Variants in RBMS3 observed in about 807,000 individuals in gnomAD.
RBMS3 encodes RNA-binding motif, single-stranded-interacting protein 3.
In RBMS3, 27 loss-of-function variants were observed where a neutral mutation model predicts 66.8. That is an observed-to-expected ratio of 0.40 (90% CI 0.30 to 0.56). The LOEUF is 0.56. Among genes scored for constraint, RBMS3 ranks in the 20% least tolerant of loss-of-function variants. RBMS3 has a pLI of 0.40. For missense variants in RBMS3, 513 were observed against 549.5 expected, an observed-to-expected ratio of 0.93 and a Z score of 0.66; for synonymous variants, 188 against 183.0, an observed-to-expected ratio of 1.03 and a Z score of -0.22.
At chr3:29,577,968 A>C (rs1024476725) in intron 3 of RBMS3, among the ~76,000 whole-genome samples, 4 of 152,160 alleles carry the variant, frequency 2.6e-5, no homozygotes, top group Non-Finnish European at 4.4e-5. Context: ...GGTACAAACT[A>C]TGTAGGTTTC....
intron 3 of RBMS3, among the ~76,000 whole-genome samples, chr3:29,541,530 C>T (rs1291832761): frequency 2.8e-5 from 4 of 142,796 alleles, no homozygotes; most frequent in South Asian, 4.4e-4. Flanking sequence ...CTCATTTCAG[C>T]ACCTTCACTG....
chr3:29,343,518 C>T (rs79012753), intron 1 of RBMS3, among the ~76,000 whole-genome samples: 2,711 of 151,808 alleles, frequency 0.018, 95 homozygotes, highest in African/African-American at 0.06. Flanking sequence ...CTTAAATAGA[C>T]GGCTAATATT....
chr3:29,978,819 A>G lies in RBMS3; in HGVS notation c.1099-9324A>G, dbSNP rs558872336. Among the ~76,000 whole-genome samples the G allele has an allele frequency of 1.1e-4, 16 of 152,212 alleles. No individual in the cohort carries two copies. In the Middle Eastern group the frequency reaches 0.014, roughly 129 times the overall value. ...CTTCAAAAATAATGAAGTAGACTGAAAAGTGTGCTGAATACTAGGTCAGAA... is the reference window on the plus strand; with the variant it reads ...CTTCAAAAATAATGAAGTAGACTGAGAAGTGTGCTGAATACTAGGTCAGAA... On this transcript the variant is annotated intron_variant, in intron 12 of 14. Coordinates refer to ENST00000383767, the MANE Select transcript of RBMS3 (RefSeq NM_001003793.3).
chr3:29,337,047 ACTCTAGAGTATTTATATACAT>A (rs1454494485), intron 1 of RBMS3, among the ~76,000 whole-genome samples: 2 of 152,082 alleles, frequency 1.3e-5, no homozygotes, highest in African/African-American at 2.4e-5. Context: ...TCTAAAATTA[ACTCTAGAGTATTTATATACAT>A]ATAATATGGT....
intron 4 of RBMS3, among the ~76,000 whole-genome samples, chr3:29,722,079 A>G (rs1201412570): frequency 6.6e-6 from 1 of 152,214 alleles, no homozygotes; most frequent in Non-Finnish European, 1.5e-5. Context: ...TGAATGCAAG[A>G]CACAAAATAT....
At chr3:29,399,710 AAT>A (rs756448484) in intron 1 of RBMS3, among the ~76,000 whole-genome samples, 9 of 63,294 alleles carry the variant, frequency 1.4e-4, no homozygotes, top group Middle Eastern at 4.9e-3. Context: ...TTAGAAAAGT[AAT>A]ATTTTTTTTA....
intron 3 of RBMS3, among the ~76,000 whole-genome samples, chr3:29,489,592 A>T (rs1443350849): frequency 6.6e-6 from 1 of 151,684 alleles, no homozygotes; most frequent in African/African-American, 2.4e-5. Flanking sequence ...AAACAGAATT[A>T]TCGACAAACC....
intron 6 of RBMS3, among the ~76,000 whole-genome samples, chr3:29,782,078 A>G (rs2056651775): frequency 6.6e-6 from 1 of 152,124 alleles, no homozygotes; most frequent in African/African-American, 2.4e-5. Flanking sequence ...GACAAAGGTC[A>G]TAATCTCTTG....
At chr3:29,854,552 A>G (rs1270137510) in intron 6 of RBMS3, among the ~76,000 whole-genome samples, 2 of 152,130 alleles carry the variant, frequency 1.3e-5, no homozygotes, top group African/African-American at 4.8e-5. Context: ...CAGTTCACCA[A>G]CTCTGGTTGG....
At chr3:29,907,972 G>C (rs1265933736) in intron 10 of RBMS3, among the ~76,000 whole-genome samples, 2 of 152,042 alleles carry the variant, frequency 1.3e-5, no homozygotes, top group Non-Finnish European at 2.9e-5. Flanking sequence ...GGTTGGCCCG[G>C]TGTGGTGACT....
intron 1 of RBMS3, among the ~76,000 whole-genome samples, chr3:29,396,040 A>G (rs1425980419): frequency 6.6e-6 from 1 of 152,172 alleles, no homozygotes. Flanking sequence ...TAACTATACA[A>G]TGGAAACATT....
intron 6 of RBMS3, among the ~76,000 whole-genome samples, chr3:29,819,400 A>T (rs964566642): frequency 6.6e-6 from 1 of 152,250 alleles, no homozygotes; most frequent in African/African-American, 2.4e-5. Flanking sequence ...CTTTATTTAC[A>T]TAAACAGATA....
At chr3:29,567,367 T>C (rs911050772) in intron 3 of RBMS3, among the ~76,000 whole-genome samples, 3 of 152,172 alleles carry the variant, frequency 2.0e-5, no homozygotes, top group Non-Finnish European at 4.4e-5. Context: ...ATGTAAAAAT[T>C]GGTGGTAGAA....
intron 6 of RBMS3, among the ~76,000 whole-genome samples, chr3:29,796,912 C>T (rs575474723): frequency 6.6e-6 from 1 of 152,108 alleles, no homozygotes; most frequent in African/African-American, 2.4e-5. Flanking sequence ...TGAGGTTTCA[C>T]CATGTTGACC....
intron 3 of RBMS3, among the ~76,000 whole-genome samples, chr3:29,538,602 A>G (rs1036499478): frequency 2.0e-5 from 3 of 152,236 alleles, no homozygotes; most frequent in African/African-American, 7.2e-5. Flanking sequence ...TCTGGTGCTT[A>G]AAAACAGTGT....
chr3:29,384,621 A>G (rs1436514458), intron 1 of RBMS3, among the ~76,000 whole-genome samples: 2 of 152,204 alleles, frequency 1.3e-5, no homozygotes, highest in African/African-American at 4.8e-5. Flanking sequence ...TTTGCTACCG[A>G]TAATGATAAT....
At chr3:29,369,296 T>A (rs2038066811) in intron 1 of RBMS3, among the ~76,000 whole-genome samples, 1 of 152,038 alleles carries the variant, frequency 6.6e-6, no homozygotes, top group Non-Finnish European at 1.5e-5. Flanking sequence ...TCTGCACATG[T>A]ATGCCTGAAA....
intron 3 of RBMS3, among the ~76,000 whole-genome samples, chr3:29,574,326 C>G (rs990966084): frequency 6.6e-6 from 1 of 152,068 alleles, no homozygotes; most frequent in African/African-American, 2.4e-5. Context: ...TTCTTTGTCT[C>G]TCCTTGCAGT....
intron 3 of RBMS3, among the ~76,000 whole-genome samples, chr3:29,583,761 A>G (rs2047413207): frequency 6.6e-6 from 1 of 152,098 alleles, no homozygotes; most frequent in Non-Finnish European, 1.5e-5. Flanking sequence ...GATCTTTCCT[A>G]TCAATATTCA....
Sources: gnomAD v4.1 joint callset for allele counts (sites outside exome capture counted in the v4.1 genomes callset) on GRCh38, gnomAD v4.1.1 for gene constraint, MANE v1.5 for transcripts, NCBI Gene and HGNC (gene_info 2026-07-23, HGNC 2026-07-21) for gene names.